The following TAB2 variants were observed in gnomAD, a reference collection of about 807,000 sequenced individuals.
TAB2 encodes the protein TGF-beta-activated kinase 1 and MAP3K7-binding protein 2.
TAB2 carries 3 observed loss-of-function variants against 65.0 expected under a neutral mutation model. The observed-to-expected ratio is 0.05, with a 90% confidence interval of 0.02 to 0.12. The LOEUF (loss-of-function observed/expected upper bound fraction) is 0.12. Ranked by LOEUF, TAB2 falls within the 10% of genes least tolerant of loss-of-function variation. The pLI, the probability that TAB2 is intolerant of heterozygous loss-of-function variation, is 1.00. For synonymous variants in TAB2, 298 were observed against 285.1 expected, an observed-to-expected ratio of 1.05 and a Z score of -0.46; for missense variants, 623 against 840.3, an observed-to-expected ratio of 0.74 and a Z score of 3.20.
At chr6:149,242,253 A>G (rs996691169) in intron 1 of TAB2, among the ~76,000 whole-genome samples, 5 of 152,164 alleles carry the variant, frequency 3.3e-5, no homozygotes, top group Admixed American at 6.5e-5. Context: ...ACTCATCTTT[A>G]TCAAGTTTGA....
At chr6:149,330,865 A>G (rs1440201369) in intron 1 of TAB2, among the ~76,000 whole-genome samples, 1 of 152,136 alleles carries the variant, frequency 6.6e-6, no homozygotes. Context: ...CTTAGGTCCC[A>G]AACAAAAAAG....
At chr6:149,269,598 C>T (rs1442276272) in intron 1 of TAB2, among the ~76,000 whole-genome samples, 1 of 152,126 alleles carries the variant, frequency 6.6e-6, no homozygotes, top group South Asian at 2.1e-4. Flanking sequence ...CAATCCACTC[C>T]TCTCCCTACC....
chr6:149,259,529 A>G (rs1338533805), intron 1 of TAB2, among the ~76,000 whole-genome samples: 1 of 152,182 alleles, frequency 6.6e-6, no homozygotes, highest in African/African-American at 2.4e-5. Flanking sequence ...AAATACATTG[A>G]AACAAGATCC....
At chr6:149,382,208 G>C (rs1484980489) in intron 3 of TAB2, among the ~76,000 whole-genome samples, 1 of 152,142 alleles carries the variant, frequency 6.6e-6, no homozygotes, top group Non-Finnish European at 1.5e-5. Flanking sequence ...GCAAACTTTA[G>C]GGCCCTTTTA....
intron 1 of TAB2, among the ~76,000 whole-genome samples, chr6:149,229,577 T>G (rs898880064): frequency 2.6e-5 from 4 of 152,118 alleles, no homozygotes; most frequent in Admixed American, 2.0e-4. Flanking sequence ...CATGGCTTCT[T>G]TCCATGAGGG....
chr6:149,354,396 G>C (rs1780588614), intron 1 of TAB2, among the ~76,000 whole-genome samples: 1 of 152,068 alleles, frequency 6.6e-6, no homozygotes, highest in African/African-American at 2.4e-5. Context: ...TAGAACTTCA[G>C]GTAGTCTTGG....
At chr6:149,298,667 C>A (rs1439045336) in intron 1 of TAB2, among the ~76,000 whole-genome samples, 1 of 152,066 alleles carries the variant, frequency 6.6e-6, no homozygotes, top group African/African-American at 2.4e-5. Context: ...AGTCATTTAA[C>A]CTTTTGAGCT....
At chr6:149,248,268 T>C (rs1304818563) in intron 1 of TAB2, among the ~76,000 whole-genome samples, 1 of 152,094 alleles carries the variant, frequency 6.6e-6, no homozygotes. Flanking sequence ...GGCAGGCGCC[T>C]GTAATCCCAA....
chr6:149,282,291 G>A (rs1778590090), intron 1 of TAB2, among the ~76,000 whole-genome samples: 1 of 152,006 alleles, frequency 6.6e-6, no homozygotes, highest in African/African-American at 2.4e-5. Context: ...AGAACTGTAG[G>A]GAGAAATATA....
At chr6:149,368,923 C>A (rs114956348) in intron 1 of TAB2, among the ~76,000 whole-genome samples, 1 of 152,126 alleles carries the variant, frequency 6.6e-6, no homozygotes, top group African/African-American at 2.4e-5. Context: ...ATGCTGAAGA[C>A]TGTTTATAAA....
At chr6:149,368,673 G>T (rs1781120886) in intron 1 of TAB2, among the ~76,000 whole-genome samples, 1 of 151,640 alleles carries the variant, frequency 6.6e-6, no homozygotes, top group Non-Finnish European at 1.5e-5. Context: ...GTGTGTGTGT[G>T]TGTGTGTTTA....
At chr6:149,226,794 T>G (rs969871195) in intron 1 of TAB2, among the ~76,000 whole-genome samples, 1 of 152,228 alleles carries the variant, frequency 6.6e-6, no homozygotes, top group African/African-American at 2.4e-5. Flanking sequence ...AGTTATTGAG[T>G]TCCATGAGGC....
At chr6:149,270,345 A>G (rs1778336387) in intron 1 of TAB2, among the ~76,000 whole-genome samples, 1 of 152,252 alleles carries the variant, frequency 6.6e-6, no homozygotes, top group South Asian at 2.1e-4. Flanking sequence ...TTTATCAGAT[A>G]TATGTTTTGC....
chr6:149,396,601 A>T (rs1280659103), intron 3 of TAB2, among the ~76,000 whole-genome samples: 1 of 152,232 alleles, frequency 6.6e-6, no homozygotes, highest in African/African-American at 2.4e-5. Context: ...CTTCACTTCC[A>T]GTCCAGTATC....
intron 1 of TAB2, among the ~76,000 whole-genome samples, chr6:149,227,850 G>C (rs924996866): frequency 3.9e-5 from 6 of 152,152 alleles, no homozygotes; most frequent in Non-Finnish European, 8.8e-5. Context: ...CGTGAAGGTT[G>C]TTTATACTTG....
intron 1 of TAB2, among the ~76,000 whole-genome samples, chr6:149,222,763 C>T (rs1777179233): frequency 1.3e-5 from 2 of 152,112 alleles, no homozygotes; most frequent in Admixed American, 6.5e-5. Context: ...GTGTGACCTA[C>T]ACTTTTCTTG....
chr6:149,336,077 C>T (rs9498323), intron 1 of TAB2, among the ~76,000 whole-genome samples: 35,913 of 152,014 alleles, frequency 0.24, 4,433 homozygotes, highest in Non-Finnish European at 0.26. Flanking sequence ...TCAGGAACCC[C>T]GGGTTCTAGT....
intron 1 of TAB2, among the ~76,000 whole-genome samples, chr6:149,242,817 C>G (rs1218971924): frequency 6.6e-6 from 1 of 152,216 alleles, no homozygotes; most frequent in African/African-American, 2.4e-5. Context: ...ATCAAATCCC[C>G]ATGATGCCCA....
chr6:149,374,744 C>A (rs1781344624), intron 2 of TAB2, among the ~76,000 whole-genome samples: 1 of 152,162 alleles, frequency 6.6e-6, no homozygotes, highest in Admixed American at 6.5e-5. Flanking sequence ...ACCAAAAATT[C>A]AAACATGGAC....
Sources: allele counts gnomAD v4.1 joint callset (sites outside exome capture counted in the v4.1 genomes callset), GRCh38; gene constraint gnomAD v4.1.1; transcripts MANE v1.5; gene names NCBI Gene and HGNC (gene_info 2026-07-23, HGNC 2026-07-21).